Variants in DGKB observed in about 807,000 individuals in gnomAD.
DGKB encodes 90 kDa diacylglycerol kinase.
In DGKB, 67 loss-of-function variants were observed where a neutral mutation model predicts 114.3. The ratio of observed to expected loss-of-function variants is 0.59; its 90% confidence interval spans 0.48 to 0.72. The LOEUF (loss-of-function observed/expected upper bound fraction) is 0.72, where lower values mean the gene tolerates loss of function less well. DGKB is among the 30% of genes least tolerant of loss of function. The probability of loss-of-function intolerance (pLI) is 0.00; values close to 1 mark genes in which losing one functional copy is unlikely to be tolerated. For missense variants in DGKB, 907 were observed against 975.2 expected (o/e 0.93, Z 0.93); for synonymous variants, 398 against 323.1 (o/e 1.23, Z -2.49).
intron 13 of DGKB, among the ~76,000 whole-genome samples, chr7:14,636,569 C>A (rs575397106): frequency 1.4e-4 from 22 of 151,830 alleles, no homozygotes; most frequent in African/African-American, 5.1e-4. Context: ...GTACATACAT[C>A]GGTGTGTGTC....
intron 22 of DGKB, among the ~76,000 whole-genome samples, chr7:14,340,765 C>T (rs1459285029): frequency 6.6e-6 from 1 of 151,662 alleles, no homozygotes; most frequent in Non-Finnish European, 1.5e-5. Context: ...CTGGCTTCCC[C>T]CAAACTGACT....
intron 21 of DGKB, among the ~76,000 whole-genome samples, chr7:14,348,963 C>T (rs1562985990): frequency 6.6e-6 from 1 of 151,870 alleles, no homozygotes; most frequent in Non-Finnish European, 1.5e-5. Flanking sequence ...TGGTTTTAGA[C>T]TTGATCTTAT....
chr7:14,641,245 TTGGTTTA>T (rs1811726509), intron 13 of DGKB, among the ~76,000 whole-genome samples: 1 of 22,812 alleles, frequency 4.4e-5, no homozygotes. Flanking sequence ...ATATAGGGAT[TTGGTTTA>T]CAATATAGGG....
intron 9 of DGKB, among the ~76,000 whole-genome samples, chr7:14,689,207 T>TATTTTTTTA (rs71004326): frequency 6.4e-5 from 8 of 124,934 alleles, no homozygotes; most frequent in Admixed American, 8.1e-5. Flanking sequence ...TTATTTTTTT[T>TATTTTTTTA]TTTTTTTTTT....
intron 2 of DGKB, among the ~76,000 whole-genome samples, chr7:14,779,525 A>C (rs1029946589): frequency 6.6e-6 from 1 of 152,202 alleles, no homozygotes; most frequent in African/African-American, 2.4e-5. Flanking sequence ...AACAGAAAAA[A>C]AAGAATATGA....
At chr7:14,464,028 G>A (rs1285295226) in intron 21 of DGKB, among the ~76,000 whole-genome samples, 1 of 150,784 alleles carries the variant, frequency 6.6e-6, no homozygotes, top group Non-Finnish European at 1.5e-5. Flanking sequence ...TGGTAACCAA[G>A]CTTTTTTTTT....
chr7:14,701,826 A>T (rs533245551), intron 6 of DGKB, 96 bp from the exon 7 acceptor site: 1 of 799,588 alleles, frequency 1.3e-6, no homozygotes. Flanking sequence ...TGTTGAAAAC[A>T]AATACTAAAT....
intron 12 of DGKB, among the ~76,000 whole-genome samples, chr7:14,674,910 T>G (rs1428674977): frequency 6.6e-6 from 1 of 152,122 alleles, no homozygotes; most frequent in Non-Finnish European, 1.5e-5. Flanking sequence ...TACATTCTTG[T>G]TGTTTTAGGC....
intron 19 of DGKB, among the ~76,000 whole-genome samples, chr7:14,578,692 A>G (rs191777049): frequency 1.4e-3 from 219 of 152,304 alleles, no homozygotes; most frequent in African/African-American, 5.0e-3. Flanking sequence ...TGGGACAACT[A>G]TAATAGAAGT....
At chr7:14,766,426 G>T (rs899907757) in intron 2 of DGKB, among the ~76,000 whole-genome samples, 1 of 151,816 alleles carries the variant, frequency 6.6e-6, no homozygotes, top group African/African-American at 2.4e-5. Flanking sequence ...TGACAGTAAT[G>T]TGTCAAGAGT....
At chr7:14,931,389 C>A (rs1051562250) in intron 1 of DGKB, among the ~76,000 whole-genome samples, 1 of 152,178 alleles carries the variant, frequency 6.6e-6, no homozygotes, top group South Asian at 2.1e-4. Context: ...GGATTACAGG[C>A]GTGAGCCACC....
chr7:14,868,018 T>A (rs1241773647), intron 1 of DGKB, among the ~76,000 whole-genome samples: 3 of 152,146 alleles, frequency 2.0e-5, no homozygotes, highest in Admixed American at 6.5e-5. Context: ...CAATTGAGAT[T>A]TGAAGTCAGA....
intron 20 of DGKB, among the ~76,000 whole-genome samples, chr7:14,526,050 T>A (rs1204120157): frequency 6.6e-6 from 1 of 152,158 alleles, no homozygotes; most frequent in East Asian, 1.9e-4. Context: ...TCAAATTCAA[T>A]CACATGTAAA....
intron 20 of DGKB, among the ~76,000 whole-genome samples, chr7:14,513,755 G>C (rs770217312): frequency 1.3e-5 from 2 of 151,854 alleles, no homozygotes; most frequent in Non-Finnish European, 2.9e-5. Context: ...TACTCCCTAG[G>C]ATGTAGAATA....
At chr7:14,762,186 C>T (rs1457431083) in intron 2 of DGKB, among the ~76,000 whole-genome samples, 1 of 152,030 alleles carries the variant, frequency 6.6e-6, no homozygotes, top group Non-Finnish European at 1.5e-5. Context: ...AGCATGAAAG[C>T]GGGAGGTGTT....
intron 21 of DGKB, among the ~76,000 whole-genome samples, chr7:14,414,724 A>G (rs1825438231): frequency 1.3e-5 from 2 of 152,104 alleles, no homozygotes; most frequent in Non-Finnish European, 1.5e-5. Context: ...GGTCCTGTGT[A>G]AGTGAGAATA....
chr7:14,253,271 G>A (rs1193751729), intron 23 of DGKB, among the ~76,000 whole-genome samples: 1 of 152,014 alleles, frequency 6.6e-6, no homozygotes, highest in Non-Finnish European at 1.5e-5. Context: ...CTGACCTCGT[G>A]ATCCGCCCGC....
intron 7 of DGKB, among the ~76,000 whole-genome samples, 166 bp from the exon 8 acceptor site, chr7:14,698,335 T>C (rs567028658): frequency 1.3e-5 from 2 of 152,246 alleles, no homozygotes; most frequent in African/African-American, 4.8e-5. Flanking sequence ...ATTAACTATA[T>C]AAAGAAAAAA....
At chr7:14,313,115 T>A (rs1262288174) in intron 23 of DGKB, among the ~76,000 whole-genome samples, 1 of 152,230 alleles carries the variant, frequency 6.6e-6, no homozygotes, top group Non-Finnish European at 1.5e-5. Flanking sequence ...TTTAAGAAAC[T>A]ACTACTTGTT....
Sources: gnomAD v4.1 joint callset for allele counts (sites outside exome capture counted in the v4.1 genomes callset) on GRCh38, gnomAD v4.1.1 for gene constraint, MANE v1.5 for transcripts, NCBI Gene and HGNC (gene_info 2026-07-23, HGNC 2026-07-21) for gene names.